The following DPP6 variants were observed in gnomAD, a reference collection of about 807,000 sequenced individuals.
The protein encoded by DPP6 is dipeptidyl peptidase like 6, also known as A-type potassium channel modulatory protein DPP6.
A neutral mutation model predicts 122.6 loss-of-function variants in DPP6; 69 were observed. The ratio of observed to expected loss-of-function variants is 0.56; its 90% CI spans 0.46 to 0.69. The LOEUF is 0.69. DPP6 is among the 30% of genes least tolerant of loss of function. The probability of loss-of-function intolerance (pLI) is 0.00; values close to 1 mark genes in which losing one functional copy is unlikely to be tolerated. For missense variants in DPP6, 928 were observed against 1,116.9 expected (o/e 0.83, Z 2.41); for synonymous variants, 418 against 433.1 (o/e 0.97, Z 0.43).
At chr7:153,846,549 G>A in the DPP6 span, among the ~76,000 whole-genome samples, 2 of 151,628 alleles carry the variant, frequency 1.3e-5, no homozygotes, top group East Asian at 3.9e-4. Flanking sequence ...TTATGGCCCG[G>A]CACACATTCT....
At chr7:154,671,526 T>C (rs557157523) in intron 7 of DPP6, among the ~76,000 whole-genome samples, 1 of 152,266 alleles carries the variant, frequency 6.6e-6, no homozygotes, top group Admixed American at 6.5e-5. Flanking sequence ...TGTCTGCACA[T>C]GCAAATAAAC....
intron 1 of DPP6, among the ~76,000 whole-genome samples, chr7:154,400,713 G>A (rs988894931): frequency 6.6e-6 from 1 of 152,152 alleles, no homozygotes; most frequent in South Asian, 2.1e-4. Context: ...ATAGATATTT[G>A]CAGGTAATTG....
At chr7:154,228,300 A>G (rs1235434477) in intron 1 of DPP6, among the ~76,000 whole-genome samples, 1 of 152,226 alleles carries the variant, frequency 6.6e-6, no homozygotes. Flanking sequence ...TAATCAGTCC[A>G]TTCTTTCCTT....
intron 3 of DPP6, among the ~76,000 whole-genome samples, chr7:154,478,870 A>C (rs12535735): frequency 0.38 from 57,219 of 151,954 alleles, 11,450 homozygotes; most frequent in African/African-American, 0.49. Flanking sequence ...TCCCATAGTG[A>C]CCATGTCAAA....
At chr7:154,090,876 T>A (rs1804758065) in intron 1 of DPP6, among the ~76,000 whole-genome samples, 1 of 149,614 alleles carries the variant, frequency 6.7e-6, no homozygotes, top group Non-Finnish European at 1.5e-5. Flanking sequence ...ATCCCAGCAC[T>A]TTGGGAGGCC....
intron 1 of DPP6, among the ~76,000 whole-genome samples, chr7:154,064,558 G>C (rs1408438318): frequency 1.3e-5 from 2 of 152,196 alleles, no homozygotes; most frequent in African/African-American, 4.8e-5. Context: ...TAGAACTGAA[G>C]ACCAGAGGCT....
chr7:154,510,594 G>T (rs1318283461), intron 3 of DPP6, among the ~76,000 whole-genome samples: 1 of 151,958 alleles, frequency 6.6e-6, no homozygotes, highest in Non-Finnish European at 1.5e-5. Flanking sequence ...AGCGACTTGG[G>T]AGGATGAAGC....
intron 1 of DPP6, among the ~76,000 whole-genome samples, chr7:154,413,741 A>T (rs1816803169): frequency 6.6e-6 from 1 of 152,224 alleles, no homozygotes; most frequent in Non-Finnish European, 1.5e-5. Context: ...TGAAAAATTC[A>T]GTAACCAATT....
intron 1 of DPP6, among the ~76,000 whole-genome samples, chr7:154,248,505 C>T (rs1313922107): frequency 6.6e-6 from 1 of 152,146 alleles, no homozygotes; most frequent in Non-Finnish European, 1.5e-5. Flanking sequence ...GAGAAAATGT[C>T]TTCTGTCTTA....
At chr7:154,202,016 A>G (rs1306281239) in intron 1 of DPP6, among the ~76,000 whole-genome samples, 1 of 152,176 alleles carries the variant, frequency 6.6e-6, no homozygotes, top group Non-Finnish European at 1.5e-5. Context: ...GACCTTTTTC[A>G]CCCACTACAG....
chr7:153,948,351 G>C (rs1802044125), intron 1 of DPP6, among the ~76,000 whole-genome samples: 1 of 152,130 alleles, frequency 6.6e-6, no homozygotes, highest in Admixed American at 6.5e-5. Context: ...GGGTGAGAGA[G>C]AGAGCACAGA....
At chr7:153,875,253 T>C in the DPP6 span, among the ~76,000 whole-genome samples, 1 of 152,212 alleles carries the variant, frequency 6.6e-6, no homozygotes, top group Non-Finnish European at 1.5e-5. Flanking sequence ...GAACTCCATA[T>C]GCTCTAAAGT....
chr7:154,580,745 G>T (rs559666704), intron 5 of DPP6, among the ~76,000 whole-genome samples: 1 of 152,316 alleles, frequency 6.6e-6, no homozygotes, highest in Admixed American at 6.5e-5. Context: ...AGGATCCGGG[G>T]TGAAGAAGAG....
chr7:154,536,944 G>C (rs1407173483), intron 3 of DPP6, among the ~76,000 whole-genome samples: 1 of 152,052 alleles, frequency 6.6e-6, no homozygotes, highest in Non-Finnish European at 1.5e-5. Flanking sequence ...GTGAATTAAG[G>C]CTTTATTTTT....
At chr7:154,085,000 A>AAAC (rs1171218514) in intron 1 of DPP6, among the ~76,000 whole-genome samples, 4 of 151,634 alleles carry the variant, frequency 2.6e-5, no homozygotes, top group Non-Finnish European at 4.4e-5. Flanking sequence ...AAAAAAAAAA[A>AAAC]AAAAAAAAAA....
intron 8 of DPP6, among the ~76,000 whole-genome samples, chr7:154,736,611 T>A (rs905075479): frequency 5.9e-5 from 9 of 152,240 alleles, no homozygotes; most frequent in African/African-American, 2.2e-4. Context: ...ACGAGGCTAC[T>A]GACATCATGT....
Position 154,230,597 on chromosome 7 carries a change from G to A in DPP6, c.243+177534G>A, listed in dbSNP as rs1306488225. Among the ~76,000 whole-genome samples the A allele has an allele frequency of 2.0e-5, 3 of 152,210 alleles. No individual in the cohort carries two copies. The East Asian group carries it at 5.8e-4, about 29-fold the overall frequency. On this transcript the variant is annotated intron_variant, in intron 1 of 25. Coordinates refer to ENST00000377770, the MANE Select transcript of DPP6 (RefSeq NM_130797.4). ...TTTACAGTTGAGGGGCTGGTGAAGG[G>A]ACTTTCCCAGTGTCCCCCTGAGTTA...
chr7:154,211,266 C>T (rs1799726141), intron 1 of DPP6, among the ~76,000 whole-genome samples: 1 of 152,234 alleles, frequency 6.6e-6, no homozygotes, highest in African/African-American at 2.4e-5. Context: ...TGGCAGACAG[C>T]CCCCACCTGG....
In DPP6 at chr7:154,877,850, A is replaced by G. The variant is rs1563314358; in HGVS notation, c.2078+1750A>G. Among the ~76,000 whole-genome samples the G allele has an allele frequency of 6.6e-6, 1 of 151,974 alleles. No individual in the cohort carries two copies. On this transcript the variant is annotated intron_variant, in intron 20 of 25. Transcript: ENST00000377770. The surrounding 1 kb of genome is among the most constrained non-coding windows in gnomAD (Gnocchi z 5.2). ...TGTGGGGCCAGCCCCTGAGCAGAGG[A>G]TGTGGGGTGACAAGGGAATGCTGGG...
Sources: allele counts gnomAD v4.1 joint callset (sites outside exome capture counted in the v4.1 genomes callset), GRCh38; gene constraint gnomAD v4.1.1; non-coding constraint Gnocchi (gnomAD v3.1); transcripts MANE v1.5; gene names NCBI Gene and HGNC (gene_info 2026-07-23, HGNC 2026-07-21).